CEMIP2: variants seen among roughly 807,000 people sequenced by gnomAD.
The protein encoded by CEMIP2 is cell surface hyaluronidase CEMIP2.
A neutral mutation model predicts 146.9 loss-of-function variants in CEMIP2; 79 were observed. The ratio of observed to expected loss-of-function variants is 0.54; its 90% CI spans 0.45 to 0.65. CEMIP2 has a LOEUF of 0.65. Ranked by LOEUF, CEMIP2 falls within the 30% of genes least tolerant of loss-of-function variation. The pLI is 0.00. For synonymous variants in CEMIP2, 601 were observed against 606.3 expected (o/e 0.99, Z 0.13); for missense variants, 1,596 against 1,696.2 (o/e 0.94, Z 1.04).
chr9:71,749,934 A>G (rs1361597319), intron 2 of CEMIP2, 109 bp downstream of exon 2: 1 of 854,882 alleles, frequency 1.2e-6, no homozygotes. Context: ...ACCTAACTAC[A>G]TATTAGTTAG....
chr9:71,706,649 C>T (rs919881525), intron 17 of CEMIP2, among the ~76,000 whole-genome samples: 1 of 152,104 alleles, frequency 6.6e-6, no homozygotes, highest in African/African-American at 2.4e-5. Context: ...GCTACCATAA[C>T]CACATATTTA....
At chr9:71,758,413 T>A (rs1824527929) in intron 1 of CEMIP2, among the ~76,000 whole-genome samples, 1 of 152,154 alleles carries the variant, frequency 6.6e-6, no homozygotes, top group Admixed American at 6.5e-5. Flanking sequence ...CCCAACCCCC[T>A]GGTGGGGTAC....
At chr9:71,744,989 A>T (rs768717757) in intron 4 of CEMIP2, 29 bp downstream of exon 4, 1 of 1,594,426 alleles carries the variant, frequency 6.3e-7, no homozygotes, top group Non-Finnish European at 8.5e-7. Flanking sequence ...ACGGACTCTG[A>T]TAGGGATCTG....
In CEMIP2 at chr9:71,750,231, T is replaced by A. The variant is rs1824207862; in HGVS notation, c.143A>T (p.Lys48Ile). The change falls in exon 2 of 24, where the codon AAA becomes ATA. Residue 48 changes from lysine to isoleucine, a missense_variant. Lys to Ile is a moderately radical substitution (Grantham distance 102). Coordinates refer to ENST00000377044, the MANE Select transcript of CEMIP2 (RefSeq NM_013390.3). Reference sequence around the variant, plus strand: ...GTCTTCTCGTCTGATGGAGGTAAATTTGGCTGAAGCTTGACTCTTTGGAGG... The same window carrying A: ...GTCTTCTCGTCTGATGGAGGTAAATATGGCTGAAGCTTGACTCTTTGGAGG... ...PPPPKSQASA[K>I]FTSIRREDRA... is the part of the protein sequence containing the mutation. 6.2e-7 allele frequency: 1 copy of A among 1,613,926 alleles called. No homozygotes were observed. The highest frequency in any genetic ancestry group is 8.5e-7 in the Non-Finnish European group (1 of 1,179,992).
chr9:71,685,408 A>AAAAG lies in CEMIP2; in HGVS notation c.3956-16_3956-15insCTTT, dbSNP rs1554678958. The stretch of plus-strand genomic sequence containing the variant: ...TATGGTACTCCCTAAAAAAAAAAAA[A>AAAAG]AAAAAGAAAAAGAAAAAAAATCAAT... On this transcript the variant is annotated splice_polypyrimidine_tract_variant and intron_variant, in intron 23 of 23. Coordinates refer to ENST00000377044, the MANE Select transcript of CEMIP2 (RefSeq NM_013390.3). 1 of 1,496,254 alleles carries AAAAG rather than the reference A, an allele frequency of 6.7e-7. No individual in the cohort carries two copies. The highest frequency in any genetic ancestry group is 8.9e-7 in the Non-Finnish European group (1 of 1,125,712). 92.7% of individuals were successfully genotyped at this position (1,496,254 alleles called of 1,614,324 possible).
intron 7 of CEMIP2, 42 bp downstream of exon 7, chr9:71,732,309 G>T: frequency 1.3e-6 from 2 of 1,519,768 alleles, no homozygotes; most frequent in South Asian, 2.7e-5. Flanking sequence ...CATATATTTA[G>T]CAACCAGGAT....
At chr9:71,686,970 T>A (rs990288145) in intron 22 of CEMIP2, 23 of 152,222 alleles carry the variant, frequency 1.5e-4, no homozygotes, top group Admixed American at 1.4e-3. Context: ...CTAAATGTGT[T>A]TTCCATGGTT....
At chr9:71,766,452 C>T (rs1564032416) in intron 1 of CEMIP2, among the ~76,000 whole-genome samples, 1 of 152,162 alleles carries the variant, frequency 6.6e-6, no homozygotes, top group Non-Finnish European at 1.5e-5. Context: ...CTAAGCAGTA[C>T]CCTGTCAACT....
chr9:71,688,655 T>G (rs933640628), intron 22 of CEMIP2, among the ~76,000 whole-genome samples: 7 of 152,116 alleles, frequency 4.6e-5, no homozygotes, highest in Non-Finnish European at 8.8e-5. Flanking sequence ...CCCAAAGTGC[T>G]AGGATTACAG....
chr9:71,736,673 T>A (rs1429433654), intron 5 of CEMIP2, among the ~76,000 whole-genome samples: 1 of 152,230 alleles, frequency 6.6e-6, no homozygotes, highest in African/African-American at 2.4e-5. Context: ...CTATCCAGTA[T>A]AGAAATGTTT....
chr9:71,728,258 C>G lies in CEMIP2; in HGVS notation c.2049+1587G>C, dbSNP rs1312972847. 2.6e-4 allele frequency among the ~76,000 whole-genome samples: 2 copies of G among 7,714 alleles called. 1 individual carries two copies. Among genetic ancestry groups the G allele is most frequent in the African/African-American group, 5.6e-4 (2 of 3,598 alleles). The allele number at this position is 7,714 out of a possible 152,430, so 5.1% of individuals were successfully genotyped here. ...ATATATATATATATATATGTATATA[C>G]ACGTATATATATATATATATATGTA... On this transcript the variant is annotated intron_variant, in intron 10 of 23. Transcript: ENST00000377044.
Position 71,718,061 on chromosome 9 carries a change from A to G in CEMIP2, c.2286T>C (p.Asp762=), listed in dbSNP as rs1378463994. 1 of 1,610,698 alleles carries G rather than the reference A, an allele frequency of 6.2e-7. No homozygotes were observed. The highest frequency in any genetic ancestry group is 1.7e-5 in the Admixed American group (1 of 59,792). ...DNSARFRPHQ[D]ANPEKPRVAA... is the part of the protein sequence containing the mutation. ...CAACACGTGGTTTTTCGGGGTTTGC[A>G]TCCTGATGAGGTCGAAATCTAGGGG... is the stretch of plus-strand genomic sequence containing the variant. The change falls in exon 13 of 24, where the codon GAT becomes GAC. Residue 762 remains aspartate (D), a synonymous_variant. Transcript: ENST00000377044.
intron 1 of CEMIP2, among the ~76,000 whole-genome samples, chr9:71,762,992 T>A (rs1824681080): frequency 6.6e-6 from 1 of 151,626 alleles, no homozygotes; most frequent in Admixed American, 6.6e-5. Context: ...CCATCCTGGG[T>A]GACAGAGTGA....
At chr9:71,701,521 A>C (rs1310393973) in intron 18 of CEMIP2, among the ~76,000 whole-genome samples, 1 of 152,226 alleles carries the variant, frequency 6.6e-6, no homozygotes, top group African/African-American at 2.4e-5. Flanking sequence ...ATAGGTGTAC[A>C]AGATAGAAAC....
intron 18 of CEMIP2, among the ~76,000 whole-genome samples, chr9:71,701,559 A>G (rs1279039708): frequency 6.6e-6 from 1 of 152,190 alleles, no homozygotes; most frequent in African/African-American, 2.4e-5. Flanking sequence ...GGAACTGTAC[A>G]TTGGCAAAAG....
chr9:71,728,281 G>GTGTATATATA (rs1257254971), intron 10 of CEMIP2, among the ~76,000 whole-genome samples: 2 of 9,250 alleles, frequency 2.2e-4, no homozygotes, highest in African/African-American at 9.5e-4. Context: ...ATATATATAT[G>GTGTATATATA]TATATATATA....
rs539495531 is a variant in CEMIP2 at position 71,741,449 on chromosome 9, G to A, written c.1035-1217C>T. ...CCATCTCAGGTGATCAGCCTGCCTC[G>A]GCCTCCCAAAGTGCTGGGATTACAG... On this transcript the variant is annotated intron_variant, in intron 4 of 23. Coordinates refer to ENST00000377044, the MANE Select transcript of CEMIP2 (RefSeq NM_013390.3). Among the ~76,000 whole-genome samples the A allele has an allele frequency of 2.6e-5, 4 of 151,468 alleles. No individual in the cohort carries two copies. The East Asian group carries it at 5.8e-4, about 22-fold the overall frequency.
intron 11 of CEMIP2, among the ~76,000 whole-genome samples, chr9:71,722,969 G>T (rs1251256011): frequency 6.7e-6 from 1 of 150,192 alleles, no homozygotes; most frequent in East Asian, 2.0e-4. Context: ...TAAAAGAAGT[G>T]ACCTCTTAAA....
At chr9:71,694,736 C>T (rs1479219916) in intron 20 of CEMIP2, 129 bp from the exon 21 acceptor site, 1 of 625,222 alleles carries the variant, frequency 1.6e-6, no homozygotes. Flanking sequence ...GTACATATTT[C>T]ATGACCTAGA....
Sources: allele counts gnomAD v4.1 joint callset (sites outside exome capture counted in the v4.1 genomes callset), GRCh38; gene constraint gnomAD v4.1.1; transcripts MANE v1.5; gene names NCBI Gene and HGNC (gene_info 2026-07-23, HGNC 2026-07-21).